Variants in IQCF1 observed in about 807,000 individuals in gnomAD.
IQCF1 encodes the protein IQ domain-containing protein F1.
IQCF1 carries 9 observed loss-of-function variants against 12.5 expected under a neutral mutation model. The ratio of observed to expected loss-of-function variants is 0.72; its 90% CI spans 0.43 to 1.26. IQCF1 has a LOEUF of 1.26. IQCF1 is among the 50% of genes most tolerant of loss of function. The pLI is 0.00. For missense variants in IQCF1, 252 were observed against 257.4 expected, an observed-to-expected ratio of 0.98 and a Z score of 0.14; for synonymous variants, 67 against 96.2, an observed-to-expected ratio of 0.70 and a Z score of 1.78.
intron 2 of IQCF1, among the ~76,000 whole-genome samples, chr3:51,898,200 C>G (rs1699034124): frequency 6.6e-6 from 1 of 151,442 alleles, no homozygotes; most frequent in African/African-American, 2.4e-5. Context: ...GAGAGGAAGT[C>G]AGAGAGAAAC....
intron 2 of IQCF1, among the ~76,000 whole-genome samples, chr3:51,901,844 T>C (rs1054623137): frequency 1.1e-4 from 17 of 152,142 alleles, no homozygotes; most frequent in African/African-American, 3.9e-4. Context: ...CTAGAGATGG[T>C]GTTAAAGGAA....
chr3:51,897,020 C>A (rs1214677889), intron 2 of IQCF1, 126 bp from the exon 3 acceptor site: 11 of 761,240 alleles, frequency 1.4e-5, no homozygotes, highest in Non-Finnish European at 2.3e-5. Flanking sequence ...ATGTTCAATT[C>A]TTTGCCTTCT....
intron 2 of IQCF1, among the ~76,000 whole-genome samples, chr3:51,898,379 A>G (rs1376548928): frequency 6.6e-6 from 1 of 152,230 alleles, no homozygotes; most frequent in Non-Finnish European, 1.5e-5. Context: ...GGACCCTATA[A>G]CAGTCCAATA....
intron 2 of IQCF1, among the ~76,000 whole-genome samples, chr3:51,897,382 A>C (rs62259728): frequency 0.036 from 5,549 of 152,276 alleles, 136 homozygotes; most frequent in Non-Finnish European, 0.059. Flanking sequence ...CTAAGAATTA[A>C]AATTTATATT....
intron 2 of IQCF1, among the ~76,000 whole-genome samples, 182 bp from the exon 3 acceptor site, chr3:51,897,076 G>A (rs1699013243): frequency 2.0e-5 from 3 of 151,880 alleles, no homozygotes; most frequent in South Asian, 4.2e-4. Flanking sequence ...TTCGATTACC[G>A]GCTCCACCCT....
chr3:51,903,091 T>C lies in IQCF1; in HGVS notation c.4-2A>G, dbSNP rs1221241213. The C allele has an allele frequency of 1.2e-6, 2 of 1,613,824 alleles. No homozygotes were observed. Among genetic ancestry groups the C allele is most frequent in the Admixed American group, 3.3e-5 (2 of 60,000 alleles). ...CGTCTTTTGGGGCTGCTTCTCCTCCTGCAATCAGCATTAGGGGAAAGGCAA... is the reference window on the plus strand; with the variant it reads ...CGTCTTTTGGGGCTGCTTCTCCTCCCGCAATCAGCATTAGGGGAAAGGCAA... On this transcript the variant is annotated splice_acceptor_variant, in intron 1 of 3. Coordinates refer to ENST00000310914, the MANE Select transcript of IQCF1 (RefSeq NM_152397.3). LOFTEE classifies it high-confidence loss of function.
At chr3:51,897,085 C>T (rs1168801843) in intron 2 of IQCF1, among the ~76,000 whole-genome samples, 191 bp from the exon 3 acceptor site, 1 of 152,192 alleles carries the variant, frequency 6.6e-6, no homozygotes, top group East Asian at 1.9e-4. Flanking sequence ...CGGCTCCACC[C>T]TGACTCATTC....
At position 51,899,251 on chromosome 3, in the gene IQCF1, T is replaced by C. The variant is rs577009462; in HGVS notation, c.109-2357A>G. ...AAAAGGGATATTATATGGTAAATTCTTGTCCTAAAATAAATTAACTGGTTG... is the reference window on the plus strand; with the variant it reads ...AAAAGGGATATTATATGGTAAATTCCTGTCCTAAAATAAATTAACTGGTTG... On this transcript the variant is annotated intron_variant, in intron 2 of 3. Coordinates refer to ENST00000310914, the MANE Select transcript of IQCF1 (RefSeq NM_152397.3). Among the ~76,000 whole-genome samples, 32 of 152,328 alleles carry C rather than the reference T, an allele frequency of 2.1e-4. No individual in the cohort carries two copies. In the South Asian group the frequency reaches 3.9e-3, roughly 19 times the overall value.
chr3:51,898,256 C>CAG (rs34717502), intron 2 of IQCF1, among the ~76,000 whole-genome samples: 2 of 149,648 alleles, frequency 1.3e-5, no homozygotes, highest in African/African-American at 2.5e-5. Context: ...AAGAGGGAGT[C>CAG]AGAGAGAGAG....
chr3:51,902,741 C>T (rs1699093466), intron 2 of IQCF1: 1 of 464,460 alleles, frequency 2.2e-6, no homozygotes, highest in African/African-American at 2.0e-5. Flanking sequence ...GGGCCACGTG[C>T]ATCAGGGATA....
chr3:51,903,350 G>A lies in IQCF1; in HGVS notation c.-78C>T. 6.5e-7 allele frequency: 1 copy of A among 1,543,874 alleles called. No individual in the cohort carries two copies. Among genetic ancestry groups the A allele is most frequent in the Non-Finnish European group, 9.0e-7 (1 of 1,115,990 alleles). On this transcript the variant is annotated 5_prime_UTR_variant, in exon 1 of 4. Transcript: ENST00000310914. ...CATCCAGCCATAGCATAGGCAGGAA[G>A]GGTGGAGGAAGAAAGGCCTGTGATG...
At chr3:51,899,230 G>T (rs1699048548) in intron 2 of IQCF1, among the ~76,000 whole-genome samples, 1 of 152,104 alleles carries the variant, frequency 6.6e-6, no homozygotes, top group Non-Finnish European at 1.5e-5. Context: ...TATGTAAAAA[G>T]GGATATTATA....
rs141922398 is a variant in IQCF1, at chr3:51,900,186, C to T, written c.108+2799G>A. ...GGAAAGAAGGAAAACTGCAGCCAGC[C>T]TGGCAAGGACTCTACCCTGTGCTGC... On this transcript the variant is annotated intron_variant, in intron 2 of 3. Transcript: ENST00000310914. The surrounding 1 kb of genome is among the most constrained non-coding windows in gnomAD (Gnocchi z 4.2). Among the ~76,000 whole-genome samples, 1 of 152,194 alleles carries T rather than the reference C, an allele frequency of 6.6e-6. No individual in the cohort carries two copies. The highest frequency in any genetic ancestry group is 1.5e-5 in the Non-Finnish European group (1 of 68,018).
chr3:51,896,705 A>G (rs1559735232), intron 3 of IQCF1, 127 bp downstream of exon 3: 3 of 733,446 alleles, frequency 4.1e-6, no homozygotes, highest in Admixed American at 3.8e-5. Flanking sequence ...GCACACACAC[A>G]CACACACGCA....
rs1157620568 is a variant in IQCF1, at chr3:51,895,711, C to T, written c.172-375G>A. On this transcript the variant is annotated intron_variant, in intron 3 of 3. Transcript: ENST00000310914. This position sits in a 1 kb window ranked among gnomAD's most constrained non-coding sequence, Gnocchi z 4.8. ...CTTTCTTTCAGACCCCTTCCACCTA[C>T]TGGAGAAGTCACATCCTTTGCCGGC... 6.6e-6 allele frequency among the ~76,000 whole-genome samples: 1 copy of T among 152,206 alleles called. No homozygotes were observed. Among genetic ancestry groups the T allele is most frequent in the African/African-American group, 2.4e-5 (1 of 41,456 alleles).
intron 2 of IQCF1, 56 bp from the exon 3 acceptor site, chr3:51,896,950 T>G: frequency 1.5e-6 from 2 of 1,354,728 alleles, no homozygotes; most frequent in Non-Finnish European, 2.1e-6. Flanking sequence ...ATTTCTCTTC[T>G]TAGCCCAGCA....
chr3:51,898,762 A>G (rs1308025014), intron 2 of IQCF1, among the ~76,000 whole-genome samples: 2 of 152,232 alleles, frequency 1.3e-5, no homozygotes, highest in Non-Finnish European at 2.9e-5. Flanking sequence ...CTTAATTACC[A>G]TACAAAGGTC....
At chr3:51,897,521 G>A (rs910033549) in intron 2 of IQCF1, among the ~76,000 whole-genome samples, 6 of 152,214 alleles carry the variant, frequency 3.9e-5, no homozygotes, top group African/African-American at 1.4e-4. Context: ...ACCCCCTTGT[G>A]GCAGCCTCAG....
intron 2 of IQCF1, 105 bp downstream of exon 2, chr3:51,902,880 C>T (rs760252913): frequency 1.1e-6 from 1 of 921,158 alleles, no homozygotes; most frequent in Non-Finnish European, 1.8e-6. Flanking sequence ...AGTGCTATTT[C>T]TTTTGCGGCA....
Sources: gnomAD v4.1 joint callset for allele counts (sites outside exome capture counted in the v4.1 genomes callset) on GRCh38, gnomAD v4.1.1 for gene constraint, Gnocchi (gnomAD v3.1) non-coding constraint, MANE v1.5 for transcripts, NCBI Gene and HGNC (gene_info 2026-07-23, HGNC 2026-07-21) for gene names.